The following DMD variants were observed in gnomAD, a reference collection of about 807,000 sequenced individuals.
The protein encoded by DMD is mutant dystrophin.
Under a neutral mutation model 330.1 loss-of-function variants are expected in DMD, and 63 were observed. The ratio of observed to expected loss-of-function variants is 0.19; its 90% confidence interval spans 0.16 to 0.24. The LOEUF is 0.24. Among genes scored for constraint, DMD ranks in the 10% least tolerant of loss-of-function variants. The probability of loss-of-function intolerance (pLI) is 1.00; values close to 1 mark genes in which losing one functional copy is unlikely to be tolerated. For synonymous variants in DMD, 1,223 were observed against 959.8 expected (o/e 1.27, Z -5.07); for missense variants, 3,344 against 2,684.1 (o/e 1.25, Z -5.43).
chrX:32,423,573 A>T (rs959912352), intron 29 of DMD, among the ~76,000 whole-genome samples: 1 of 110,856 alleles, frequency 9.0e-6, no homozygotes, highest in African/African-American at 3.3e-5. Flanking sequence ...AGGCATACAG[A>T]CGAACAAAAA....
At chrX:31,401,136 C>A (rs1256008864) in intron 60 of DMD, among the ~76,000 whole-genome samples, 1 of 111,248 alleles carries the variant, frequency 9.0e-6, no homozygotes, top group African/African-American at 3.3e-5. Flanking sequence ...CCTTTAAATT[C>A]TGAGATTGCA....
At chrX:32,384,316 T>C (rs1191328999) in intron 33 of DMD, among the ~76,000 whole-genome samples, 2 of 110,606 alleles carry the variant, frequency 1.8e-5, no homozygotes, top group Non-Finnish European at 3.8e-5. Context: ...ACAATTTTTC[T>C]GTCTGTGGTG....
At chrX:31,350,947 T>G (rs1256443165) in intron 60 of DMD, among the ~76,000 whole-genome samples, 2 of 110,237 alleles carry the variant, frequency 1.8e-5, no homozygotes, top group Admixed American at 1.9e-4. Context: ...CAGGCCTGCT[T>G]GAGCTGGGAT....
intron 62 of DMD, among the ~76,000 whole-genome samples, chrX:31,300,715 A>G (rs1603329298): frequency 8.9e-6 from 1 of 112,260 alleles, no homozygotes; most frequent in East Asian, 2.8e-4. Context: ...CTAGGTGGTG[A>G]TGGGCACTTA....
chrX:32,351,190 A>G (rs1364817635), intron 37 of DMD, among the ~76,000 whole-genome samples: 2 of 110,979 alleles, frequency 1.8e-5, no homozygotes, highest in African/African-American at 6.5e-5. Context: ...TACATGCTCT[A>G]TAAATCTTGG....
At chrX:32,067,978 G>A (rs186063510) in intron 44 of DMD, among the ~76,000 whole-genome samples, 79 of 111,983 alleles carry the variant, frequency 7.1e-4, no homozygotes, top group African/African-American at 2.6e-3. Context: ...CAACAACAGT[G>A]TATAAGCATC....
At chrX:31,185,470 T>C (rs2041672691) in intron 67 of DMD, among the ~76,000 whole-genome samples, 1 of 112,216 alleles carries the variant, frequency 8.9e-6, no homozygotes, top group African/African-American at 3.2e-5. Context: ...CCATTTCTCT[T>C]GCCGGTCTGC....
chrX:31,135,231 T>C (rs946079833), intron 76 of DMD, among the ~76,000 whole-genome samples: 2 of 112,058 alleles, frequency 1.8e-5, no homozygotes, highest in Non-Finnish European at 3.8e-5. Context: ...TTGAACACTT[T>C]GCAGTCACTT....
intron 44 of DMD, among the ~76,000 whole-genome samples, chrX:32,027,183 C>CACACACACACACACAG (rs774715155): frequency 1.6e-4 from 16 of 97,520 alleles, no homozygotes; most frequent in African/African-American, 5.9e-4. Context: ...CACACACACA[C>CACACACACACACACAG]AGAGAGAGAG....
intron 50 of DMD, among the ~76,000 whole-genome samples, chrX:31,818,169 G>A (rs1160751680): frequency 2.7e-5 from 3 of 111,932 alleles, no homozygotes; most frequent in Non-Finnish European, 5.6e-5. Flanking sequence ...TCAATCTGTA[G>A]ACTACACTCT....
intron 1 of DMD, among the ~76,000 whole-genome samples, chrX:33,257,472 A>G (rs1180391224): frequency 9.0e-6 from 1 of 111,279 alleles, no homozygotes; most frequent in Admixed American, 9.6e-5. Flanking sequence ...ACGCTCTTTC[A>G]ATGGTGGTTT....
intron 43 of DMD, among the ~76,000 whole-genome samples, chrX:32,234,036 T>C (rs1320604416): frequency 9.0e-6 from 1 of 111,563 alleles, no homozygotes; most frequent in Non-Finnish European, 1.9e-5. Flanking sequence ...GGCAGCTTCA[T>C]GCTTCTCAAG....
At chrX:31,383,976 G>C (rs1301681004) in intron 60 of DMD, among the ~76,000 whole-genome samples, 2 of 112,077 alleles carry the variant, frequency 1.8e-5, no homozygotes, top group Non-Finnish European at 3.8e-5. Flanking sequence ...ACAAGTGCGA[G>C]TACAGAAGGC....
intron 1 of DMD, among the ~76,000 whole-genome samples, chrX:33,044,160 A>C (rs932219097): frequency 2.7e-5 from 3 of 111,993 alleles, no homozygotes; most frequent in Admixed American, 9.4e-5. Context: ...GCCCAGGCGC[A>C]GTGGCTCATG....
intron 57 of DMD, among the ~76,000 whole-genome samples, chrX:31,488,368 T>G (rs1325320584): frequency 8.9e-6 from 1 of 112,208 alleles, no homozygotes; most frequent in Non-Finnish European, 1.9e-5. Flanking sequence ...TGTGACAAAT[T>G]AATTTGTGTA....
At chrX:31,281,484 T>C (rs1442613162) in intron 62 of DMD, among the ~76,000 whole-genome samples, 1 of 112,178 alleles carries the variant, frequency 8.9e-6, no homozygotes, top group East Asian at 2.8e-4. Flanking sequence ...CAGTACGATG[T>C]CATTTTCCAG....
intron 13 of DMD, among the ~76,000 whole-genome samples, chrX:32,585,759 A>G (rs1354985813): frequency 2.0e-5 from 2 of 101,478 alleles, no homozygotes; most frequent in African/African-American, 7.1e-5. Context: ...ATACTTGCTT[A>G]TATTTCCCCT....
chrX:31,494,733 G>A (rs1162474102), intron 57 of DMD, among the ~76,000 whole-genome samples: 1 of 111,826 alleles, frequency 8.9e-6, no homozygotes, highest in Non-Finnish European at 1.9e-5. Context: ...AATACTGGCT[G>A]GAAGAAACCA....
rs1371825629 is a variant in DMD, at chrX:31,765,672, A to G, written c.7542+8288T>C. On this transcript the variant is annotated intron_variant, in intron 51 of 78. Coordinates refer to ENST00000357033, the MANE Select transcript of DMD (RefSeq NM_004006.3). ...TTTATATAATATGTATCACTTTAAC[A>G]TAAGTAACCATATACATAAAAGTGT... is the stretch of plus-strand genomic sequence containing the variant. 3.6e-5 allele frequency among the ~76,000 whole-genome samples: 4 copies of G among 112,064 alleles called. No homozygotes were observed. In the East Asian group the frequency reaches 1.1e-3, roughly 31 times the overall value.
Sources: allele counts gnomAD v4.1 joint callset (sites outside exome capture counted in the v4.1 genomes callset), GRCh38; gene constraint gnomAD v4.1.1; transcripts MANE v1.5; gene names NCBI Gene and HGNC (gene_info 2026-07-23, HGNC 2026-07-21).